BMPR2: variants seen among roughly 807,000 people sequenced by gnomAD.
BMPR2 encodes bone morphogenetic protein receptor type 2, also known as bone morphogenetic protein receptor type-2.
In BMPR2, 29 loss-of-function variants were observed where a neutral mutation model predicts 100.8. That is an observed-to-expected ratio of 0.29 (90% CI 0.21 to 0.39). The LOEUF (loss-of-function observed/expected upper bound fraction) is 0.39. BMPR2 is among the 10% of genes least tolerant of loss of function. The pLI is 1.00. For synonymous variants in BMPR2, 382 were observed against 442.3 expected, an observed-to-expected ratio of 0.86 and a Z score of 1.71; for missense variants, 1,011 against 1,274.5, an observed-to-expected ratio of 0.79 and a Z score of 3.15.
chr2:202,479,558 C>T (rs1692618719), intron 3 of BMPR2, among the ~76,000 whole-genome samples: 1 of 152,060 alleles, frequency 6.6e-6, no homozygotes, highest in South Asian at 2.1e-4. Context: ...TGCATAGCCT[C>T]CCCCATTATC....
chr2:202,382,921 C>T (rs1240035036), intron 1 of BMPR2, among the ~76,000 whole-genome samples: 5 of 152,178 alleles, frequency 3.3e-5, no homozygotes, highest in African/African-American at 7.2e-5. Flanking sequence ...TGGGAATCTG[C>T]CTTTGATGCC....
Position 202,439,201 on chromosome 2 carries a change from ATAAT to A in BMPR2, c.77-25606_77-25603del, listed in dbSNP as rs764116572. The stretch of plus-strand genomic sequence containing the variant: ...ACTTCTTCTGTTACATTTATTCCTA[ATAAT>A]TTTGTTCTTTTGATGCTATTATGAA... On this transcript the variant is annotated intron_variant, in intron 1 of 12. Transcript: ENST00000374580. Among the ~76,000 whole-genome samples the A allele has an allele frequency of 3.5e-4, 52 of 149,840 alleles. 3 individuals are homozygous for A. The highest frequency in any genetic ancestry group is 1.3e-3 in the African/African-American group (50 of 39,420).
At chr2:202,390,162 A>G (rs1392910431) in intron 1 of BMPR2, among the ~76,000 whole-genome samples, 1 of 152,204 alleles carries the variant, frequency 6.6e-6, no homozygotes, top group Admixed American at 6.5e-5. Flanking sequence ...AATATTGCGT[A>G]TATTGTACAT....
chr2:202,469,431 T>C, intron 3 of BMPR2: 1 of 229,860 alleles, frequency 4.4e-6, no homozygotes, highest in East Asian at 1.4e-4. Flanking sequence ...GAAAAATTCT[T>C]CACAGTATAC....
At chr2:202,414,646 T>C (rs189898967) in intron 1 of BMPR2, among the ~76,000 whole-genome samples, 1 of 152,212 alleles carries the variant, frequency 6.6e-6, no homozygotes, top group Non-Finnish European at 1.5e-5. Flanking sequence ...TTATTGCTGA[T>C]AGAGAAAAAG....
At chr2:202,412,582 G>A (rs1691036192) in intron 1 of BMPR2, among the ~76,000 whole-genome samples, 1 of 152,294 alleles carries the variant, frequency 6.6e-6, no homozygotes, top group African/African-American at 2.4e-5. Flanking sequence ...GCCTCCGAAA[G>A]TGCTGGGATT....
At chr2:202,484,189 T>C (rs1200494993) in intron 3 of BMPR2, among the ~76,000 whole-genome samples, 2 of 152,248 alleles carry the variant, frequency 1.3e-5, no homozygotes, top group Admixed American at 1.3e-4. Flanking sequence ...TCTGTATTTC[T>C]CATTTTCAAC....
At chr2:202,555,158 C>A in intron 11 of BMPR2, 94 bp from the exon 12 acceptor site, 1 of 1,180,024 alleles carries the variant, frequency 8.5e-7, no homozygotes, top group Middle Eastern at 2.0e-4. Context: ...AAATGAAAAA[C>A]AACTCAGACT....
intron 9 of BMPR2, among the ~76,000 whole-genome samples, chr2:202,538,079 G>A (rs1449507394): frequency 2.7e-5 from 4 of 150,234 alleles, no homozygotes; most frequent in East Asian, 2.0e-4. Context: ...CCGAGATCGC[G>A]CCACTGCACT....
At chr2:202,538,918 A>G (rs953621804) in intron 9 of BMPR2, among the ~76,000 whole-genome samples, 4 of 152,180 alleles carry the variant, frequency 2.6e-5, no homozygotes, top group African/African-American at 4.8e-5. Context: ...ATTAAAAATA[A>G]TAAATAAGAT....
intron 1 of BMPR2, among the ~76,000 whole-genome samples, chr2:202,443,349 G>A (rs1011086757): frequency 2.7e-5 from 4 of 150,740 alleles, no homozygotes; most frequent in Admixed American, 1.3e-4. Flanking sequence ...GCTAGAACAT[G>A]TAGTAGTTCT....
intron 1 of BMPR2, among the ~76,000 whole-genome samples, chr2:202,448,484 T>C (rs1181350423): frequency 1.5e-5 from 2 of 137,826 alleles, no homozygotes; most frequent in Non-Finnish European, 3.2e-5. Context: ...AAAAAAAAAG[T>C]GTTGCTCTGT....
intron 1 of BMPR2, among the ~76,000 whole-genome samples, chr2:202,380,449 C>G (rs1411344148): frequency 6.6e-6 from 1 of 151,938 alleles, no homozygotes; most frequent in Non-Finnish European, 1.5e-5. Context: ...TAGTTTTTCT[C>G]AAAGTGTGGG....
chr2:202,492,542 G>A (rs71425944), intron 3 of BMPR2, among the ~76,000 whole-genome samples: 18,911 of 151,102 alleles, frequency 0.13, 1,256 homozygotes, highest in Admixed American at 0.14. Context: ...TCTACTAAAA[G>A]TACAAAAATT....
chr2:202,549,550 A>T (rs907815853), intron 10 of BMPR2, among the ~76,000 whole-genome samples: 2 of 152,136 alleles, frequency 1.3e-5, no homozygotes, highest in Admixed American at 6.5e-5. Context: ...GGAGTTCAAG[A>T]CCAGCCTGGC....
In BMPR2 at chr2:202,538,724, G is replaced by A. The variant is rs111730235; in HGVS notation, c.1277-3587G>A. ...CAAGAGAATTGCTTGAACCCGGGAC[G>A]CAGAGGTTGCAGTGAGCAGAGATCG... On this transcript the variant is annotated intron_variant, in intron 9 of 12. Coordinates refer to ENST00000374580, the MANE Select transcript of BMPR2 (RefSeq NM_001204.7). 6.2e-3 allele frequency among the ~76,000 whole-genome samples: 935 copies of A among 150,542 alleles called. 13 individuals carry two copies. Among genetic ancestry groups the A allele is most frequent in the African/African-American group, 0.021 (873 of 40,886 alleles).
intron 3 of BMPR2, among the ~76,000 whole-genome samples, chr2:202,501,008 C>A (rs1687377364): frequency 6.6e-6 from 1 of 152,152 alleles, no homozygotes; most frequent in Non-Finnish European, 1.5e-5. Flanking sequence ...CTTCTCAAGT[C>A]CAGGCACTCT....
intron 3 of BMPR2, among the ~76,000 whole-genome samples, chr2:202,470,588 C>T (rs1387957249): frequency 6.7e-6 from 1 of 150,336 alleles, no homozygotes; most frequent in Non-Finnish European, 1.5e-5. Context: ...GGTGAAACCC[C>T]GTCTCTACTA....
At chr2:202,456,833 G>A (rs1400374161) in intron 1 of BMPR2, among the ~76,000 whole-genome samples, 1 of 152,004 alleles carries the variant, frequency 6.6e-6, no homozygotes, top group Non-Finnish European at 1.5e-5. Flanking sequence ...ACTTTTCAAA[G>A]CCCTTTCATA....
Sources: allele counts gnomAD v4.1 joint callset (sites outside exome capture counted in the v4.1 genomes callset), GRCh38; gene constraint gnomAD v4.1.1; transcripts MANE v1.5; gene names NCBI Gene and HGNC (gene_info 2026-07-23, HGNC 2026-07-21).